CSMD1: variants seen among roughly 807,000 people sequenced by gnomAD.
CSMD1 encodes the protein CUB and sushi domain-containing protein 1.
CSMD1 carries 213 observed loss-of-function variants against 417.5 expected under a neutral mutation model. That is an observed-to-expected ratio of 0.51 (90% CI 0.46 to 0.57). The LOEUF (loss-of-function observed/expected upper bound fraction) is 0.57, where lower values mean the gene tolerates loss of function less well. Among genes scored for constraint, CSMD1 ranks in the 20% least tolerant of loss-of-function variants. The pLI is 0.00. For synonymous variants in CSMD1, 2,862 were observed against 1,736.8 expected (o/e 1.65, Z -16.11); for missense variants, 6,923 against 4,529.7 (o/e 1.53, Z -15.17).
intron 2 of CSMD1, among the ~76,000 whole-genome samples, chr8:4,591,970 G>A (rs770866353): frequency 6.6e-6 from 1 of 152,096 alleles, no homozygotes. Context: ...GATAGATGGA[G>A]ATATTGGCAA....
At chr8:4,447,248 T>A (rs1325773718) in intron 2 of CSMD1, among the ~76,000 whole-genome samples, 1 of 152,210 alleles carries the variant, frequency 6.6e-6, no homozygotes, top group Non-Finnish European at 1.5e-5. Flanking sequence ...GATGCTTACG[T>A]TATAGCAGGT....
At chr8:3,144,211 C>A (rs920471603) in intron 40 of CSMD1, among the ~76,000 whole-genome samples, 1 of 152,064 alleles carries the variant, frequency 6.6e-6, no homozygotes, top group African/African-American at 2.4e-5. Flanking sequence ...TCATGTCACA[C>A]GGGAAATGGC....
chr8:3,772,198 AC>A (rs1798613291), intron 5 of CSMD1, among the ~76,000 whole-genome samples: 2 of 116,652 alleles, frequency 1.7e-5, no homozygotes, highest in Admixed American at 1.8e-4. Context: ...ATACACACAC[AC>A]ACACACACAC....
At position 4,374,920 on chromosome 8, in the gene CSMD1, CAG is replaced by C. The variant is rs1195544579; in HGVS notation, c.415+45031_415+45032del. Among the ~76,000 whole-genome samples the C allele has an allele frequency of 7.7e-4, 94 of 121,878 alleles. 1 individual carries two copies. The highest frequency in any genetic ancestry group is 7.0e-4 in the East Asian group (3 of 4,272). 80.0% of individuals were successfully genotyped at this position (121,878 alleles called of 152,430 possible). Reference sequence around the variant, plus strand: ...CAATGATCTGTTCCAGGTTTCTAATCAGAGTCTTAGAAAACAATGATTAAACA... The same window carrying C: ...CAATGATCTGTTCCAGGTTTCTAATCAGTCTTAGAAAACAATGATTAAACA... On this transcript the variant is annotated intron_variant, in intron 3 of 69. Transcript: ENST00000635120.
chr8:4,830,992 C>T (rs553204590), intron 1 of CSMD1, among the ~76,000 whole-genome samples: 57 of 152,150 alleles, frequency 3.7e-4, no homozygotes, highest in Non-Finnish European at 6.6e-4. Context: ...TTTAGAGGCC[C>T]TTCATTTTAA....
At chr8:4,842,902 A>T (rs1021345009) in intron 1 of CSMD1, among the ~76,000 whole-genome samples, 7 of 152,328 alleles carry the variant, frequency 4.6e-5, no homozygotes, top group African/African-American at 1.4e-4. Context: ...TAGAATTGGA[A>T]TAAATCTTAA....
chr8:4,098,639 A>C (rs1444373855), intron 3 of CSMD1, among the ~76,000 whole-genome samples: 2 of 152,134 alleles, frequency 1.3e-5, no homozygotes, highest in Admixed American at 6.6e-5. Context: ...CCCCATTTCT[A>C]CGTATTGGTG....
chr8:3,334,183 T>A (rs996329158), intron 23 of CSMD1, among the ~76,000 whole-genome samples: 52 of 152,280 alleles, frequency 3.4e-4, no homozygotes, highest in African/African-American at 1.2e-3. Context: ...AAGGTATCAG[T>A]CAATCCTATA....
chr8:3,398,515 C>G (rs933296146), intron 16 of CSMD1, among the ~76,000 whole-genome samples: 4 of 152,154 alleles, frequency 2.6e-5, no homozygotes, highest in Non-Finnish European at 4.4e-5. Context: ...TAGCATTGAT[C>G]ATTTGAAAAC....
chr8:3,214,722 G>A, intron 29 of CSMD1, 31 bp from the exon 30 acceptor site: 2 of 1,504,898 alleles, frequency 1.3e-6, no homozygotes, highest in South Asian at 1.3e-5. Context: ...AACTGCATGA[G>A]AGCAGGGATC....
intron 41 of CSMD1, among the ~76,000 whole-genome samples, chr8:3,121,007 G>C (rs1290210536): frequency 6.6e-6 from 1 of 151,960 alleles, no homozygotes; most frequent in African/African-American, 2.4e-5. Context: ...TCTCTATTAT[G>C]AGCATAATTT....
At chr8:4,570,767 T>C (rs1798854622) in intron 2 of CSMD1, among the ~76,000 whole-genome samples, 1 of 152,142 alleles carries the variant, frequency 6.6e-6, no homozygotes, top group Non-Finnish European at 1.5e-5. Flanking sequence ...TGAATCTGTC[T>C]GTCCTGGGCT....
At chr8:4,838,215 T>C (rs562156393) in intron 1 of CSMD1, among the ~76,000 whole-genome samples, 1 of 152,312 alleles carries the variant, frequency 6.6e-6, no homozygotes, top group South Asian at 2.1e-4. Flanking sequence ...TCCTTTGAGA[T>C]CTCCTTAGGG....
intron 28 of CSMD1, among the ~76,000 whole-genome samples, chr8:3,220,612 C>T (rs1385323299): frequency 6.6e-6 from 1 of 152,202 alleles, no homozygotes; most frequent in African/African-American, 2.4e-5. Flanking sequence ...GCAGGCAGAT[C>T]ACGAGGTCAG....
rs915509877 is a variant in CSMD1 at position 4,226,711 on chromosome 8, G to GA, written c.415+193241dup. Among the ~76,000 whole-genome samples the GA allele has an allele frequency of 2.4e-3, 362 of 149,288 alleles. 1 individual carries two copies. Among genetic ancestry groups the GA allele is most frequent in the African/African-American group, 6.5e-3 (266 of 40,734 alleles). On this transcript the variant is annotated intron_variant, in intron 3 of 69. Transcript: ENST00000635120. ...AAAATTTTACGTCCTCTTTAAAAAA[G>GA]AAAAAAAAATGAGTTTTTAATAATC...
chr8:4,082,693 C>A (rs974362572), intron 3 of CSMD1, among the ~76,000 whole-genome samples: 1 of 151,586 alleles, frequency 6.6e-6, no homozygotes, highest in African/African-American at 2.4e-5. Context: ...ATACATGTGC[C>A]ATGCTGGTGT....
intron 11 of CSMD1, among the ~76,000 whole-genome samples, chr8:3,491,161 C>A (rs182601049): frequency 1.3e-5 from 2 of 152,046 alleles, no homozygotes; most frequent in African/African-American, 2.4e-5. Context: ...GTGTCAGATG[C>A]AAAAGACTGT....
chr8:4,889,686 G>T (rs1336562607), intron 1 of CSMD1, among the ~76,000 whole-genome samples: 1 of 152,088 alleles, frequency 6.6e-6, no homozygotes, highest in Non-Finnish European at 1.5e-5. Context: ...GAGAAAAACA[G>T]TAAGTAAAGG....
At chr8:4,234,290 C>G (rs759961554) in intron 3 of CSMD1, among the ~76,000 whole-genome samples, 2 of 152,158 alleles carry the variant, frequency 1.3e-5, no homozygotes, top group South Asian at 2.1e-4. Flanking sequence ...ATCTATGGGA[C>G]CCATCCATAG....
Sources: gnomAD v4.1 joint callset for allele counts (sites outside exome capture counted in the v4.1 genomes callset) on GRCh38, gnomAD v4.1.1 for gene constraint, MANE v1.5 for transcripts, NCBI Gene and HGNC (gene_info 2026-07-23, HGNC 2026-07-21) for gene names.